Variants in THSD4 observed in about 807,000 individuals in gnomAD.
THSD4 encodes the protein thrombospondin type 1 domain containing 4, also known as thrombospondin type-1 domain-containing protein 4.
In THSD4, 69 loss-of-function variants were observed where a neutral mutation model predicts 119.0. The ratio of observed to expected loss-of-function variants is 0.58; its 90% CI spans 0.48 to 0.71. The LOEUF (loss-of-function observed/expected upper bound fraction) is 0.71. THSD4 is among the 30% of genes least tolerant of loss of function. The pLI, the probability that THSD4 is intolerant of heterozygous loss-of-function variation, is 0.00. For missense variants in THSD4, 1,393 were observed against 1,391.1 expected, an observed-to-expected ratio of 1.00 and a Z score of -0.02; for synonymous variants, 524 against 540.4, an observed-to-expected ratio of 0.97 and a Z score of 0.42.
At chr15:71,433,160 T>C (rs2046964502) in intron 7 of THSD4, among the ~76,000 whole-genome samples, 1 of 151,678 alleles carries the variant, frequency 6.6e-6, no homozygotes, top group Non-Finnish European at 1.5e-5. Flanking sequence ...CTAGTAAGTT[T>C]ATTCTTTCTT....
chr15:71,373,161 C>G (rs1423895997), intron 6 of THSD4, among the ~76,000 whole-genome samples: 1 of 152,210 alleles, frequency 6.6e-6, no homozygotes, highest in Non-Finnish European at 1.5e-5. Context: ...TTAACTGCCT[C>G]TTTAATCAAA....
chr15:71,143,700 C>CTTTTTTTTTTTTTTTT (rs546375502), intron 2 of THSD4, among the ~76,000 whole-genome samples: 23 of 100,718 alleles, frequency 2.3e-4, no homozygotes, highest in African/African-American at 2.8e-4. Flanking sequence ...TTTTTTCTTT[C>CTTTTTTTTTTTTTTTT]TTTTTTTTTT....
chr15:71,737,095 G>T lies in THSD4; in HGVS notation c.1631-637G>T, dbSNP rs182393254. On this transcript the variant is annotated intron_variant, in intron 10 of 17. Coordinates refer to ENST00000261862, the MANE Select transcript of THSD4 (RefSeq NM_024817.3). ...CTTGTAGCATAACGTAGTTTAACCA[G>T]TACCACTGGTGAACATTTGTGTCTG... 2.0e-5 allele frequency among the ~76,000 whole-genome samples: 3 copies of T among 152,290 alleles called. No individual in the cohort carries two copies. The East Asian group carries it at 5.8e-4, about 29-fold the overall frequency.
At chr15:71,477,031 T>G (rs1203917082) in intron 7 of THSD4, among the ~76,000 whole-genome samples, 2 of 152,208 alleles carry the variant, frequency 1.3e-5, no homozygotes, top group Non-Finnish European at 1.5e-5. Flanking sequence ...GGTTTCATGC[T>G]TAGGCAAATT....
At chr15:71,245,981 T>G (rs2044196334) in intron 5 of THSD4, among the ~76,000 whole-genome samples, 1 of 152,128 alleles carries the variant, frequency 6.6e-6, no homozygotes, top group African/African-American at 2.4e-5. Flanking sequence ...AATGACCTCA[T>G]GTAGACATTT....
intron 6 of THSD4, among the ~76,000 whole-genome samples, chr15:71,337,489 G>A (rs1008285064): frequency 1.2e-4 from 18 of 152,246 alleles, no homozygotes; most frequent in African/African-American, 4.3e-4. Flanking sequence ...ACAAGGATCA[G>A]CTAGTTAACA....
At chr15:71,580,704 CT>C (rs1199866035) in intron 7 of THSD4, among the ~76,000 whole-genome samples, 3 of 152,140 alleles carry the variant, frequency 2.0e-5, no homozygotes, top group South Asian at 2.1e-4. Context: ...ATGAATTCAA[CT>C]TTTTTTACAT....
chr15:71,672,259 G>T (rs1382211369), intron 8 of THSD4, among the ~76,000 whole-genome samples: 1 of 152,142 alleles, frequency 6.6e-6, no homozygotes, highest in Non-Finnish European at 1.5e-5. Flanking sequence ...TTGTGAATGG[G>T]AGTTCACTCA....
intron 7 of THSD4, among the ~76,000 whole-genome samples, chr15:71,643,875 A>G (rs1010778849): frequency 6.6e-6 from 1 of 152,212 alleles, no homozygotes; most frequent in Non-Finnish European, 1.5e-5. Flanking sequence ...TTGGTTGAAT[A>G]AAAATGGGAG....
At chr15:71,498,944 G>A (rs902165834) in intron 7 of THSD4, among the ~76,000 whole-genome samples, 1 of 150,222 alleles carries the variant, frequency 6.7e-6, no homozygotes, top group Admixed American at 6.7e-5. Context: ...AACTCAAGCA[G>A]TCCACCTGCC....
intron 6 of THSD4, among the ~76,000 whole-genome samples, chr15:71,296,876 C>G (rs1303107757): frequency 6.6e-6 from 1 of 152,170 alleles, no homozygotes; most frequent in Non-Finnish European, 1.5e-5. Flanking sequence ...CCTCTGTTTT[C>G]TCATCTGCAA....
intron 7 of THSD4, among the ~76,000 whole-genome samples, chr15:71,537,607 T>C (rs1378606928): frequency 6.6e-6 from 1 of 152,102 alleles, no homozygotes; most frequent in Non-Finnish European, 1.5e-5. Context: ...TTCATTAATG[T>C]TGGCATCCTG....
intron 7 of THSD4, among the ~76,000 whole-genome samples, chr15:71,494,161 G>C (rs551030386): frequency 1.3e-4 from 20 of 152,280 alleles, no homozygotes; most frequent in Non-Finnish European, 2.2e-4. Context: ...ACCTTTGTAA[G>C]TGAAAAAATT....
chr15:71,532,329 T>TGTGA (rs2048625979), intron 7 of THSD4, among the ~76,000 whole-genome samples: 1 of 146,936 alleles, frequency 6.8e-6, no homozygotes, highest in Non-Finnish European at 1.5e-5. Context: ...TGTGTGTGTG[T>TGTGA]GTGATGGAGT....
In THSD4 at chr15:71,463,771, T is replaced by G. The variant is rs374544377; in HGVS notation, c.1152+51948T>G. 1.7e-3 allele frequency among the ~76,000 whole-genome samples: 257 copies of G among 152,296 alleles called. 1 individual carries two copies. The highest frequency in any genetic ancestry group is 6.0e-3 in the African/African-American group (248 of 41,568). On this transcript the variant is annotated intron_variant, in intron 7 of 17. Transcript: ENST00000261862. The stretch of plus-strand genomic sequence containing the variant: ...TTATCCTGATTAGACTCCAATCTCT[T>G]AACTCCTCCTCAGCTGTCTCTCTAG...
intron 3 of THSD4, among the ~76,000 whole-genome samples, chr15:71,190,223 G>T (rs954705381): frequency 2.6e-5 from 4 of 152,168 alleles, no homozygotes; most frequent in Admixed American, 2.6e-4. Context: ...TTTATTGTTT[G>T]CTAAGCTAGA....
At chr15:71,757,557 AAGCTCTG>A (rs1567138492) in intron 14 of THSD4, among the ~76,000 whole-genome samples, 9 of 150,600 alleles carry the variant, frequency 6.0e-5, no homozygotes, top group East Asian at 1.9e-4. Context: ...CAGCCTCCCA[AAGCTCTG>A]GTACCACAGG....
chr15:71,432,778 C>T (rs1383283843), intron 7 of THSD4, among the ~76,000 whole-genome samples: 7 of 151,556 alleles, frequency 4.6e-5, no homozygotes, highest in Non-Finnish European at 1.5e-5. Flanking sequence ...TATATTTATT[C>T]AGTTTTATCT....
At position 71,232,211 on chromosome 15, in the gene THSD4, C is replaced by A. The variant is rs531230898; in HGVS notation, c.465-10438C>A. The stretch of plus-strand genomic sequence containing the variant: ...TTTCCTAGCTCCCTTTAATTCCCAC[C>A]CAGATGTGTGGGGCTGCCTTGACTT... On this transcript the variant is annotated intron_variant, in intron 4 of 17. Coordinates refer to ENST00000261862, the MANE Select transcript of THSD4 (RefSeq NM_024817.3). Among the ~76,000 whole-genome samples, 7 of 152,264 alleles carry A rather than the reference C, an allele frequency of 4.6e-5. No individual in the cohort carries two copies. The South Asian group carries it at 1.5e-3, about 32-fold the overall frequency.
Sources: allele counts gnomAD v4.1 joint callset (sites outside exome capture counted in the v4.1 genomes callset), GRCh38; gene constraint gnomAD v4.1.1; transcripts MANE v1.5; gene names NCBI Gene and HGNC (gene_info 2026-07-23, HGNC 2026-07-21).